The following SNX29 variants were observed in gnomAD, a reference collection of about 807,000 sequenced individuals.
SNX29 encodes sorting nexin-29.
Under a neutral mutation model 102.1 loss-of-function variants are expected in SNX29, and 78 were observed. The ratio of observed to expected loss-of-function variants is 0.76; its 90% CI spans 0.64 to 0.92. The LOEUF (loss-of-function observed/expected upper bound fraction) is 0.92. Among genes scored for constraint, SNX29 ranks in the 40% least tolerant of loss-of-function variants. The pLI is 0.00. For missense variants in SNX29, 1,280 were observed against 1,061.7 expected, an observed-to-expected ratio of 1.21 and a Z score of -2.86; for synonymous variants, 580 against 414.5, an observed-to-expected ratio of 1.40 and a Z score of -4.85.
In SNX29 at chr16:12,570,746, A is replaced by C. The variant is rs966527126; in HGVS notation, c.*2117A>C. On this transcript the variant is annotated 3_prime_UTR_variant, in exon 21 of 21. Transcript: ENST00000566228. Reference sequence around the variant, plus strand: ...GTCTCTCTCCAGATACCCCACGAGGAAGCACCTTGGACATTCTGCACATGA... The same window carrying C: ...GTCTCTCTCCAGATACCCCACGAGGCAGCACCTTGGACATTCTGCACATGA... The C allele has an allele frequency of 4.3e-6, 1 of 231,370 alleles. No individual in the cohort carries two copies. Among genetic ancestry groups the C allele is most frequent in the Non-Finnish European group, 8.5e-6 (1 of 117,538 alleles). The allele number at this position is 231,370 out of a possible 1,614,324, so 14.3% of individuals were successfully genotyped here. A position where few individuals can be genotyped will look rare whatever the true frequency, so the allele number is the denominator to read the frequency against.
At chr16:12,496,997 C>T (rs566227538) in intron 19 of SNX29, among the ~76,000 whole-genome samples, 49 of 152,250 alleles carry the variant, frequency 3.2e-4, no homozygotes, top group African/African-American at 1.1e-3. Flanking sequence ...GGAAGGGGTC[C>T]GGAGATGAGT....
At chr16:12,062,874 C>G (rs575535356) in intron 9 of SNX29, among the ~76,000 whole-genome samples, 1 of 152,276 alleles carries the variant, frequency 6.6e-6, no homozygotes, top group East Asian at 1.9e-4. Flanking sequence ...CGGGGCCAGT[C>G]AGATGCAGTA....
At chr16:12,536,791 C>G (rs1445675244) in intron 20 of SNX29, among the ~76,000 whole-genome samples, 2 of 152,124 alleles carry the variant, frequency 1.3e-5, no homozygotes, top group Admixed American at 6.5e-5. Flanking sequence ...GCCTGGCCAA[C>G]ATGGTAAAAC....
intron 20 of SNX29, 138 bp from the exon 21 acceptor site, chr16:12,568,368 A>T: frequency 8.9e-7 from 1 of 1,129,684 alleles, no homozygotes; most frequent in Non-Finnish European, 1.2e-6. Flanking sequence ...AGGTGGCACC[A>T]GTTAGAGGCA....
intron 13 of SNX29, among the ~76,000 whole-genome samples, chr16:12,161,555 C>T (rs557197314): frequency 4.6e-5 from 7 of 152,278 alleles, no homozygotes; most frequent in Admixed American, 1.3e-4. Flanking sequence ...GCATCTGATA[C>T]GGTTTGGATG....
At chr16:12,378,494 C>T (rs757990923) in intron 16 of SNX29, among the ~76,000 whole-genome samples, 2 of 152,114 alleles carry the variant, frequency 1.3e-5, no homozygotes, top group Non-Finnish European at 2.9e-5. Flanking sequence ...ACTAAAAATA[C>T]AAAAATTAGC....
chr16:12,318,071 C>T (rs542396395), intron 15 of SNX29, among the ~76,000 whole-genome samples: 5 of 152,362 alleles, frequency 3.3e-5, no homozygotes, highest in Admixed American at 2.0e-4. Flanking sequence ...TGGTGTTCTT[C>T]GCTGTCAGCG....
At chr16:12,051,414 G>A (rs2050295891) in intron 7 of SNX29, among the ~76,000 whole-genome samples, 1 of 151,918 alleles carries the variant, frequency 6.6e-6, no homozygotes, top group African/African-American at 2.4e-5. Flanking sequence ...GCTGGGAGGA[G>A]CCACAAAGAT....
intron 19 of SNX29, among the ~76,000 whole-genome samples, chr16:12,505,334 C>T (rs893017224): frequency 1.3e-5 from 2 of 152,014 alleles, no homozygotes; most frequent in Non-Finnish European, 1.5e-5. Flanking sequence ...AAGGTGCTAG[C>T]ATATTCGGTG....
chr16:11,992,191 G>A (rs866241786), intron 1 of SNX29, among the ~76,000 whole-genome samples: 5 of 152,238 alleles, frequency 3.3e-5, no homozygotes, highest in Middle Eastern at 6.8e-3. Flanking sequence ...CTACTTGGGA[G>A]GCTGAGGTGG....
At chr16:12,132,996 G>A (rs564725554) in intron 13 of SNX29, among the ~76,000 whole-genome samples, 4 of 152,180 alleles carry the variant, frequency 2.6e-5, no homozygotes, top group African/African-American at 7.2e-5. Flanking sequence ...TGGCTTGCTC[G>A]GGCAGTTGTT....
At chr16:12,555,218 G>A (rs900814387) in intron 20 of SNX29, among the ~76,000 whole-genome samples, 11 of 151,802 alleles carry the variant, frequency 7.2e-5, no homozygotes, top group Non-Finnish European at 1.3e-4. Context: ...GGCAGCTGCT[G>A]GGTACAGGGA....
chr16:12,436,162 C>G (rs150857629), intron 18 of SNX29, among the ~76,000 whole-genome samples: 2 of 152,164 alleles, frequency 1.3e-5, no homozygotes, highest in African/African-American at 4.8e-5. Context: ...CTTTTCCTGG[C>G]GATGCCCGAG....
intron 18 of SNX29, among the ~76,000 whole-genome samples, chr16:12,457,182 A>G (rs2086576823): frequency 6.6e-6 from 1 of 152,228 alleles, no homozygotes; most frequent in Non-Finnish European, 1.5e-5. Context: ...ATTGCTAATA[A>G]CAGTACAATA....
At chr16:12,199,175 T>G (rs904503919) in intron 13 of SNX29, among the ~76,000 whole-genome samples, 1 of 152,246 alleles carries the variant, frequency 6.6e-6, no homozygotes, top group East Asian at 1.9e-4. Context: ...AATAAATGTT[T>G]AGTACAAGTC....
Position 12,544,254 on chromosome 16 carries a change from A to G in SNX29, c.2318+19413A>G, listed in dbSNP as rs997275437. On this transcript the variant is annotated intron_variant, in intron 20 of 20. Transcript: ENST00000566228. Reference sequence around the variant, plus strand: ...CACCAAGATTGAAACTAACTTACCCAGATTGCAACTCAGGACTTTACACTC... The same window carrying G: ...CACCAAGATTGAAACTAACTTACCCGGATTGCAACTCAGGACTTTACACTC... 4.6e-5 allele frequency among the ~76,000 whole-genome samples: 7 copies of G among 151,156 alleles called. No individual in the cohort carries two copies. The East Asian group carries it at 9.6e-4, about 21-fold the overall frequency.
intron 16 of SNX29, among the ~76,000 whole-genome samples, chr16:12,384,162 A>C (rs901336661): frequency 6.6e-6 from 1 of 152,216 alleles, no homozygotes; most frequent in Non-Finnish European, 1.5e-5. Flanking sequence ...GGTTGTTGCA[A>C]ATAGCACTGC....
In SNX29 at chr16:12,510,534, G is replaced by A. The variant is rs3764303; in HGVS notation, c.2179-14168G>A. Among the ~76,000 whole-genome samples, 22 of 152,186 alleles carry A rather than the reference G, an allele frequency of 1.4e-4. No individual in the cohort carries two copies. The East Asian group carries it at 3.9e-3, about 27-fold the overall frequency. On this transcript the variant is annotated intron_variant, in intron 19 of 20. Coordinates refer to ENST00000566228, the MANE Select transcript of SNX29 (RefSeq NM_032167.5). ...CTAAAAAGACAAAAATTAGCTGGGC[G>A]TTATGGCACCGGCCTGTAGTCCCAG...
chr16:12,258,332 C>T (rs1472843224), intron 14 of SNX29, among the ~76,000 whole-genome samples: 3 of 152,136 alleles, frequency 2.0e-5, no homozygotes, highest in Admixed American at 1.3e-4. Flanking sequence ...TCCCGCGTTC[C>T]CATGTCATCG....
Sources: gnomAD v4.1 joint callset for allele counts (sites outside exome capture counted in the v4.1 genomes callset) on GRCh38, gnomAD v4.1.1 for gene constraint, MANE v1.5 for transcripts, NCBI Gene and HGNC (gene_info 2026-07-23, HGNC 2026-07-21) for gene names.